Variants in SHISAL1 observed in about 807,000 individuals in gnomAD.
SHISAL1 encodes the protein shisa like 1, also known as protein shisa-like-1.
In SHISAL1, 9 loss-of-function variants were observed where a neutral mutation model predicts 22.6. That is an observed-to-expected ratio of 0.40 (90% CI 0.24 to 0.70). The LOEUF (loss-of-function observed/expected upper bound fraction) is 0.70. Ranked by LOEUF, SHISAL1 falls within the 30% of genes least tolerant of loss-of-function variation. The pLI, the probability that SHISAL1 is intolerant of heterozygous loss-of-function variation, is 0.39. For synonymous variants in SHISAL1, 119 were observed against 115.4 expected, an observed-to-expected ratio of 1.03 and a Z score of -0.20; for missense variants, 246 against 270.6, an observed-to-expected ratio of 0.91 and a Z score of 0.64.
intron 2 of SHISAL1, among the ~76,000 whole-genome samples, chr22:44,299,467 C>T (rs575644501): frequency 9.2e-5 from 14 of 152,300 alleles, no homozygotes; most frequent in Non-Finnish European, 1.9e-4. Context: ...ATGGTGAGGA[C>T]CAGGTGAGCC....
intron 1 of SHISAL1, among the ~76,000 whole-genome samples, chr22:44,305,858 CTCTGGATGAAGGGG>C (rs2055467375): frequency 6.6e-6 from 1 of 152,218 alleles, no homozygotes; most frequent in East Asian, 1.9e-4. Context: ...GTGTGGGGAA[CTCTGGATGAAGGGG>C]TCTGGGGGAT....
intron 4 of SHISAL1, among the ~76,000 whole-genome samples, chr22:44,264,545 G>T (rs113948487): frequency 3.3e-5 from 5 of 152,148 alleles, no homozygotes; most frequent in Admixed American, 3.3e-4. Context: ...GCACAGGTGG[G>T]GTGTCCTGAC....
chr22:44,329,765 C>A, the SHISAL1 span, among the ~76,000 whole-genome samples: 1 of 152,166 alleles, frequency 6.6e-6, no homozygotes, highest in African/African-American at 2.4e-5. Context: ...GGAGCGACCC[C>A]CCAATTCTAG....
Position 44,300,907 on chromosome 22 carries a change from G to T in SHISAL1, c.39C>A (p.Ala13=). The T allele has an allele frequency of 3.1e-6, 5 of 1,614,084 alleles. No homozygotes were observed. Among genetic ancestry groups the T allele is most frequent in the Non-Finnish European group, 4.2e-6 (5 of 1,180,014 alleles). Residue 13 remains alanine, a synonymous_variant, in exon 2 of 5, where the codon GCC becomes GCA. Transcript: ENST00000381176. ...SCGQQSLNVL[A]VLFSLLFSAV... ...CAGAAAACAGCAATGAGAAGAGGAC[G>T]GCGAGCACGTTCAAGGACTGCTGGC...
chr22:44,249,842 G>GA (rs749391194), intron 4 of SHISAL1, among the ~76,000 whole-genome samples, 157 bp from the exon 5 acceptor site: 3 of 151,750 alleles, frequency 2.0e-5, no homozygotes, highest in Admixed American at 6.6e-5. Flanking sequence ...CTGGAAGAAA[G>GA]AAAAAAAATG....
chr22:44,277,150 G>A (rs115543923), intron 4 of SHISAL1, among the ~76,000 whole-genome samples: 165 of 152,344 alleles, frequency 1.1e-3, no homozygotes, highest in African/African-American at 3.7e-3. Flanking sequence ...TGAATGCTGG[G>A]ACAGCTGAGC....
chr22:44,315,917 C>T (rs888178191), upstream of SHISAL1, among the ~76,000 whole-genome samples: 3 of 152,168 alleles, frequency 2.0e-5, no homozygotes, highest in Non-Finnish European at 4.4e-5. Context: ...GGGTCTCCAT[C>T]CTGGCCCTCA....
intron 4 of SHISAL1, among the ~76,000 whole-genome samples, chr22:44,268,420 G>A (rs2055180235): frequency 6.6e-6 from 1 of 152,218 alleles, no homozygotes; most frequent in South Asian, 2.1e-4. Flanking sequence ...GAGGTTTTAA[G>A]CTGAAAGATG....
chr22:44,283,821 T>G (rs1460461575), intron 4 of SHISAL1, among the ~76,000 whole-genome samples: 3 of 152,206 alleles, frequency 2.0e-5, no homozygotes, highest in Non-Finnish European at 4.4e-5. Flanking sequence ...CCCTCAGAGA[T>G]GCCTGGTCAG....
At chr22:44,258,146 A>C (rs2055097494) in intron 4 of SHISAL1, among the ~76,000 whole-genome samples, 1 of 152,084 alleles carries the variant, frequency 6.6e-6, no homozygotes, top group Admixed American at 6.5e-5. Context: ...GTCTCTAAAT[A>C]AATACAAAAA....
rs1416217679 is a variant in SHISAL1, at chr22:44,244,156, G to C, written c.*5529C>G. ...AGAAACTGACATGCAATTCCAAGAA[G>C]AGGCTCTCTCTTGGGCCACCAGCTT... On this transcript the variant is annotated 3_prime_UTR_variant, in exon 5 of 5. Transcript: ENST00000381176. The C allele has an allele frequency of 6.6e-6, 1 of 152,218 alleles. No homozygotes were observed. The highest frequency in any genetic ancestry group is 2.4e-5 in the African/African-American group (1 of 41,458). The allele number at this position is 152,218 out of a possible 1,614,324, so 9.4% of individuals were successfully genotyped here. A position where few individuals can be genotyped will look rare whatever the true frequency, so the allele number is the denominator to read the frequency against.
chr22:44,322,308 G>A, the SHISAL1 span, among the ~76,000 whole-genome samples: 2 of 152,324 alleles, frequency 1.3e-5, no homozygotes, highest in Middle Eastern at 3.4e-3. Context: ...AAGGGCCTTG[G>A]GCAGAGCACT....
chr22:44,249,999 C>T (rs1295695206), intron 4 of SHISAL1, among the ~76,000 whole-genome samples: 1 of 152,092 alleles, frequency 6.6e-6, no homozygotes, highest in African/African-American at 2.4e-5. Context: ...ACAGAATCAA[C>T]AGGTTAATTA....
At chr22:44,294,611 A>G (rs2055373895) in intron 3 of SHISAL1, among the ~76,000 whole-genome samples, 1 of 152,214 alleles carries the variant, frequency 6.6e-6, no homozygotes. Flanking sequence ...AGCCAACACA[A>G]TCAGACAAGA....
intron 4 of SHISAL1, among the ~76,000 whole-genome samples, chr22:44,259,415 G>A (rs1194640578): frequency 1.3e-5 from 2 of 151,750 alleles, no homozygotes; most frequent in African/African-American, 4.8e-5. Flanking sequence ...TCCAGCTCGG[G>A]CGACAGTGCA....
At chr22:44,266,576 G>A (rs1002219634) in intron 4 of SHISAL1, among the ~76,000 whole-genome samples, 4 of 148,202 alleles carry the variant, frequency 2.7e-5, no homozygotes, top group Non-Finnish European at 5.9e-5. Flanking sequence ...GCTCTGGTGT[G>A]TATGTGTGTG....
upstream of SHISAL1, among the ~76,000 whole-genome samples, chr22:44,315,034 G>C (rs553096203): frequency 8.5e-5 from 13 of 152,154 alleles, no homozygotes; most frequent in Admixed American, 3.9e-4. Flanking sequence ...GCGGGACGTG[G>C]GGTGAAGTGG....
At chr22:44,298,736 G>T (rs2055405129) in intron 2 of SHISAL1, among the ~76,000 whole-genome samples, 1 of 152,216 alleles carries the variant, frequency 6.6e-6, no homozygotes, top group Non-Finnish European at 1.5e-5. Context: ...GGCCTCAAGG[G>T]ACTGGGAGGA....
At chr22:44,318,333 C>T in the SHISAL1 span, among the ~76,000 whole-genome samples, 5 of 152,226 alleles carry the variant, frequency 3.3e-5, no homozygotes, top group Non-Finnish European at 7.3e-5. Flanking sequence ...TGTTGGCTCA[C>T]AAATTTCTGG....
Sources: gnomAD v4.1 joint callset for allele counts (sites outside exome capture counted in the v4.1 genomes callset) on GRCh38, gnomAD v4.1.1 for gene constraint, MANE v1.5 for transcripts, NCBI Gene and HGNC (gene_info 2026-07-23, HGNC 2026-07-21) for gene names.